DCHS2: variants seen among roughly 807,000 people sequenced by gnomAD.
The protein encoded by DCHS2 is protocadherin-23.
Under a neutral mutation model 182.4 loss-of-function variants are expected in DCHS2, and 142 were observed. The ratio of observed to expected loss-of-function variants is 0.78; its 90% CI spans 0.68 to 0.89. DCHS2 has a LOEUF of 0.89. Ranked by LOEUF, DCHS2 falls within the 40% of genes least tolerant of loss-of-function variation. The pLI is 0.00. For missense variants in DCHS2, 4,319 were observed against 4,198.6 expected (o/e 1.03, Z -0.79); for synonymous variants, 1,740 against 1,663.3 (o/e 1.05, Z -1.12).
intron 1 of DCHS2, among the ~76,000 whole-genome samples, chr4:154,381,054 C>T (rs1201330261): frequency 1.3e-5 from 2 of 152,048 alleles, no homozygotes; most frequent in Admixed American, 6.6e-5. Flanking sequence ...GGCACCTGGC[C>T]AACTCCATTA....
At chr4:154,421,305 A>G (rs954169583) in intron 1 of DCHS2, among the ~76,000 whole-genome samples, 4 of 152,146 alleles carry the variant, frequency 2.6e-5, no homozygotes, top group Non-Finnish European at 5.9e-5. Context: ...GCATCGAAAT[A>G]CTTTATTAAA....
In DCHS2 at chr4:154,438,823, T is replaced by C. The variant is rs77143212; in HGVS notation, c.2052+50481A>G. 6.9e-3 allele frequency among the ~76,000 whole-genome samples: 1,052 copies of C among 152,276 alleles called. 7 individuals carry two copies. Among genetic ancestry groups the C allele is most frequent in the Non-Finnish European group, 0.012 (831 of 68,020 alleles). On this transcript the variant is annotated intron_variant, in intron 1 of 19. Coordinates refer to ENST00000357232, the MANE Select transcript of DCHS2 (RefSeq NM_001358235.2). ...GCAGCAATACATGAATACAAAGTCA[T>C]TACAAAACATTACAGAAGAGTAAAA...
intron 1 of DCHS2, among the ~76,000 whole-genome samples, chr4:154,469,049 T>C (rs1230687027): frequency 6.6e-6 from 1 of 152,106 alleles, no homozygotes; most frequent in African/African-American, 2.4e-5. Context: ...ATATATACAA[T>C]TTTTACTTGA....
intron 1 of DCHS2, among the ~76,000 whole-genome samples, chr4:154,438,156 A>G (rs1026155714): frequency 1.3e-5 from 2 of 152,238 alleles, no homozygotes; most frequent in Admixed American, 1.3e-4. Flanking sequence ...AAACCTAATC[A>G]AATGGTCATC....
chr4:154,444,338 C>T (rs1734170196), intron 1 of DCHS2, among the ~76,000 whole-genome samples: 1 of 152,150 alleles, frequency 6.6e-6, no homozygotes. Context: ...TAACATACCC[C>T]CAAATCAACT....
At chr4:154,372,990 A>G (rs1019679345) in intron 2 of DCHS2, among the ~76,000 whole-genome samples, 3 of 152,204 alleles carry the variant, frequency 2.0e-5, no homozygotes, top group African/African-American at 4.8e-5. Flanking sequence ...ATTTTCTTCT[A>G]AAGGGCTTTC....
intron 8 of DCHS2, among the ~76,000 whole-genome samples, chr4:154,321,709 A>C (rs1333257301): frequency 6.6e-6 from 1 of 152,194 alleles, no homozygotes; most frequent in Non-Finnish European, 1.5e-5. Context: ...AAAGAATATA[A>C]TTTGGAAACA....
Position 154,377,373 on chromosome 4 carries a change from G to A in DCHS2, c.2124C>T (p.Ser708=), listed in dbSNP as rs772223781. 1 of 1,613,290 alleles carries A rather than the reference G, an allele frequency of 6.2e-7. No homozygotes were observed. The highest frequency in any genetic ancestry group is 8.5e-7 in the Non-Finnish European group (1 of 1,179,530). The change falls in exon 2 of 20, where the codon AGC becomes AGT. Residue 708 remains serine, a synonymous_variant. Coordinates refer to ENST00000357232, the MANE Select transcript of DCHS2 (RefSeq NM_001358235.2). Reference sequence around the variant, plus strand: ...TCCGGAATGCCTGAGGTGCTTCATAGCTCAGGAATCCATCATAAAGAGAAT... The same window carrying A: ...TCCGGAATGCCTGAGGTGCTTCATAACTCAGGAATCCATCATAAAGAGAAT... The part of the protein sequence containing the change: ...IEYSLYDGFL[S]YEAPQAFRID...
At chr4:154,398,735 C>T (rs1579046583) in intron 1 of DCHS2, among the ~76,000 whole-genome samples, 1 of 152,260 alleles carries the variant, frequency 6.6e-6, no homozygotes, top group South Asian at 2.1e-4. Flanking sequence ...AACTTACTGC[C>T]GGCCCTAACC....
intron 1 of DCHS2, among the ~76,000 whole-genome samples, chr4:154,400,275 C>A (rs1413893528): frequency 3.7e-5 from 5 of 134,258 alleles, no homozygotes; most frequent in African/African-American, 1.4e-4. Flanking sequence ...TGCACTCCAG[C>A]CTGGGCAACA....
At chr4:154,270,134 A>C in intron 13 of DCHS2, 121 bp from the exon 14 acceptor site, 1 of 1,239,944 alleles carries the variant, frequency 8.1e-7, no homozygotes, top group Non-Finnish European at 1.1e-6. Context: ...TTGATTCAAC[A>C]ATAACTTATT....
chr4:154,235,705 C>A lies in DCHS2; in HGVS notation c.8947G>T (p.Glu2983Ter), dbSNP rs760604777. 3.7e-6 allele frequency: 6 copies of A among 1,614,042 alleles called. No homozygotes were observed. The highest frequency in any genetic ancestry group is 4.2e-6 in the Non-Finnish European group (5 of 1,179,986). Residue 2983 changes from glutamate (E) to a stop codon, truncating the protein, a stop_gained, in exon 20 of 20, where the codon GAA becomes TAA. Coordinates refer to ENST00000357232, the MANE Select transcript of DCHS2 (RefSeq NM_001358235.2). LOFTEE classifies it low-confidence loss of function (END_TRUNC). ...GCGAACACTGCCAAGGGTGTTCCTTCAGAGGAGAAAGACACATTCACAAAA... is the reference window on the plus strand; with the variant it reads ...GCGAACACTGCCAAGGGTGTTCCTTAAGAGGAGAAAGACACATTCACAAAA... ...TVFVNVSFSS[E>*]GTPLAVFASS...
intron 12 of DCHS2, among the ~76,000 whole-genome samples, chr4:154,300,800 G>T (rs531489675): frequency 6.6e-6 from 1 of 152,118 alleles, no homozygotes; most frequent in African/African-American, 2.4e-5. Context: ...CAATATTTGC[G>T]TGCAGGAAGT....
chr4:154,333,490 G>A lies in DCHS2; in HGVS notation c.2718C>T (p.Ser906=), dbSNP rs1349344729. The change falls in exon 5 of 20, where the codon TCC becomes TCT. Residue 906 remains serine, a synonymous_variant. Transcript: ENST00000357232. ...GTVKAREPLN[S]SEPIFYRISS... is the part of the protein sequence containing the mutation. ...AAATCCTGTAAAAGATTGGTTCTGAGGAGTCTGAAAAAGAGAGAGGGGACA... is the reference window on the plus strand; with the variant it reads ...AAATCCTGTAAAAGATTGGTTCTGAAGAGTCTGAAAAAGAGAGAGGGGACA... The A allele has an allele frequency of 6.2e-7, 1 of 1,606,960 alleles. No individual in the cohort carries two copies. Among genetic ancestry groups the A allele is most frequent in the Non-Finnish European group, 8.5e-7 (1 of 1,174,810 alleles).
chr4:154,417,490 A>ACGATATT (rs1196739868), intron 1 of DCHS2, among the ~76,000 whole-genome samples: 1 of 152,150 alleles, frequency 6.6e-6, no homozygotes, highest in African/African-American at 2.4e-5. Flanking sequence ...GAGGGATCTC[A>ACGATATT]CGATATTTTT....
At chr4:154,252,627 A>ATGT (rs1560985709) in intron 16 of DCHS2, among the ~76,000 whole-genome samples, 1 of 147,718 alleles carries the variant, frequency 6.8e-6, no homozygotes, top group African/African-American at 2.4e-5. Context: ...AGTTCCATCC[A>ATGT]TGTTGTTGCA....
chr4:154,370,043 T>A (rs1337318813), intron 2 of DCHS2, among the ~76,000 whole-genome samples: 16 of 152,144 alleles, frequency 1.1e-4, no homozygotes, highest in Non-Finnish European at 7.4e-5. Flanking sequence ...ATCTCTCAGC[T>A]CTTGTGAGCT....
intron 1 of DCHS2, among the ~76,000 whole-genome samples, chr4:154,395,947 TA>T (rs1274927708): frequency 6.6e-6 from 1 of 152,212 alleles, no homozygotes; most frequent in Admixed American, 6.5e-5. Flanking sequence ...TCATTTGACT[TA>T]AAAAATGGAA....
Position 154,332,683 on chromosome 4 carries a change from A to G in DCHS2, c.3525T>C (p.Thr1175=), listed in dbSNP as rs779867470. The stretch of plus-strand genomic sequence containing the variant: ...CATCCCAGACACGAACAATGACTGT[A>G]GTGCTCACATTTTGCAAGAATCCGT... ...PEDGFLQNVS[T]TVIVRVWDEN... The change falls in exon 5 of 20, where the codon ACT becomes ACC. Residue 1175 remains threonine, a synonymous_variant. Transcript: ENST00000357232. The G allele has an allele frequency of 1.2e-6, 2 of 1,614,256 alleles. No homozygotes were observed. The highest frequency in any genetic ancestry group is 1.7e-6 in the Non-Finnish European group (2 of 1,180,034).
Sources: gnomAD v4.1 joint callset for allele counts (sites outside exome capture counted in the v4.1 genomes callset) on GRCh38, gnomAD v4.1.1 for gene constraint, MANE v1.5 for transcripts, NCBI Gene and HGNC (gene_info 2026-07-23, HGNC 2026-07-21) for gene names.